MBD5: variants seen among roughly 807,000 people sequenced by gnomAD.
MBD5 encodes methyl-CpG-binding domain protein 5.
A neutral mutation model predicts 117.3 loss-of-function variants in MBD5; 13 were observed. The observed-to-expected ratio is 0.11, with a 90% CI of 0.07 to 0.18. The LOEUF is 0.18. MBD5 is among the 10% of genes least tolerant of loss of function. The probability of loss-of-function intolerance (pLI) is 1.00; values close to 1 mark genes in which losing one functional copy is unlikely to be tolerated. For synonymous variants in MBD5, 727 were observed against 766.4 expected (o/e 0.95, Z 0.85); for missense variants, 1,879 against 2,093.8 (o/e 0.90, Z 2.00).
At chr2:148,032,032 CTT>C (rs1453057659) in intron 1 of MBD5, among the ~76,000 whole-genome samples, 1 of 152,012 alleles carries the variant, frequency 6.6e-6, no homozygotes, top group Non-Finnish European at 1.5e-5. Flanking sequence ...AGAAATTGAA[CTT>C]TTTTATTTCT....
intron 4 of MBD5, among the ~76,000 whole-genome samples, chr2:148,349,954 G>C (rs1559035104): frequency 6.6e-6 from 1 of 151,938 alleles, no homozygotes; most frequent in Non-Finnish European, 1.5e-5. Flanking sequence ...TAAGGTAACA[G>C]TAAAAGCCTA....
chr2:148,462,731 A>G lies in MBD5; in HGVS notation c.216+47A>G, dbSNP rs1707129794. The G allele has an allele frequency of 2.4e-6, 3 of 1,226,008 alleles. No individual in the cohort carries two copies. The African/African-American group carries it at 4.5e-5, about 18-fold the overall frequency. 75.9% of individuals were successfully genotyped at this position (1,226,008 alleles called of 1,614,324 possible). ...TACAGCAGTGTTTTATTTTTTAGGT[A>G]TTTTGTATATTTGTTTTTCTCATTT... is the stretch of plus-strand genomic sequence containing the variant. On this transcript the variant is annotated intron_variant, in intron 6 of 13. Coordinates refer to ENST00000642680, the MANE Select transcript of MBD5 (RefSeq NM_001378120.1).
At chr2:148,218,542 C>T (rs551743873) in intron 2 of MBD5, among the ~76,000 whole-genome samples, 1 of 152,138 alleles carries the variant, frequency 6.6e-6, no homozygotes. Flanking sequence ...TCATGCATCG[C>T]TTAATGACAT....
At chr2:148,417,471 C>A (rs1014087050) in intron 4 of MBD5, among the ~76,000 whole-genome samples, 1 of 151,876 alleles carries the variant, frequency 6.6e-6, no homozygotes, top group Non-Finnish European at 1.5e-5. Flanking sequence ...TGGGTAGATA[C>A]CCAGTAGTGG....
intron 2 of MBD5, among the ~76,000 whole-genome samples, chr2:148,222,351 G>GT: frequency 6.6e-6 from 1 of 152,184 alleles, no homozygotes; most frequent in African/African-American, 2.4e-5. Flanking sequence ...GCACTGGGCA[G>GT]TATGGACATT....
chr2:148,233,247 C>A lies in MBD5; in HGVS notation c.-828C>A, dbSNP rs1700030059. ...CACCCTGGTATCGTTTTTAACAGGA[C>A]CAAGGAAATAAATACCAGAAATCAA... On this transcript the variant is annotated splice_region_variant and 5_prime_UTR_variant, in exon 3 of 14. Transcript: ENST00000642680. The A allele has an allele frequency of 6.6e-6, 1 of 152,124 alleles. No individual in the cohort carries two copies. Among genetic ancestry groups the A allele is most frequent in the South Asian group, 2.1e-4 (1 of 4,822 alleles). The allele number at this position is 152,124 out of a possible 1,614,324, so 9.4% of individuals were successfully genotyped here. A position where few individuals can be genotyped will look rare whatever the true frequency, so the allele number is the denominator to read the frequency against.
At chr2:148,317,027 A>G (rs747008742) in intron 3 of MBD5, among the ~76,000 whole-genome samples, 10 of 152,198 alleles carry the variant, frequency 6.6e-5, no homozygotes, top group Non-Finnish European at 1.2e-4. Context: ...TCACAACTTA[A>G]ACCATGCTAA....
At chr2:148,023,413 A>G (rs556006010) in intron 1 of MBD5, among the ~76,000 whole-genome samples, 1 of 152,344 alleles carries the variant, frequency 6.6e-6, no homozygotes, top group African/African-American at 2.4e-5. Context: ...ACATTTACAT[A>G]CCGAAATAAA....
chr2:148,122,678 A>G (rs1404036764), intron 1 of MBD5, among the ~76,000 whole-genome samples: 1 of 152,188 alleles, frequency 6.6e-6, no homozygotes, highest in Non-Finnish European at 1.5e-5. Context: ...AAACTAACGG[A>G]TACCATTACC....
At chr2:148,177,029 G>A (rs1002922404) in intron 1 of MBD5, among the ~76,000 whole-genome samples, 2 of 152,062 alleles carry the variant, frequency 1.3e-5, no homozygotes, top group Non-Finnish European at 2.9e-5. Context: ...TTACCTAAGA[G>A]GATAGCAAAG....
chr2:148,182,249 C>A (rs1261451604), intron 2 of MBD5, among the ~76,000 whole-genome samples: 1 of 151,988 alleles, frequency 6.6e-6, no homozygotes, highest in African/African-American at 2.4e-5. Flanking sequence ...AGCTATTGAA[C>A]CTTAACAATG....
At chr2:148,039,385 A>G (rs931450848) in intron 1 of MBD5, among the ~76,000 whole-genome samples, 1 of 152,090 alleles carries the variant, frequency 6.6e-6, no homozygotes, top group African/African-American at 2.4e-5. Context: ...CGAATATGCA[A>G]AGTTCGTAAA....
intron 1 of MBD5, among the ~76,000 whole-genome samples, chr2:148,136,765 ATT>A (rs879310208): frequency 1.4e-5 from 2 of 146,290 alleles, no homozygotes; most frequent in Non-Finnish European, 1.5e-5. Flanking sequence ...CAGTTTATTA[ATT>A]TTTTTTTTTT....
intron 4 of MBD5, among the ~76,000 whole-genome samples, chr2:148,383,174 T>C (rs188252567): frequency 6.6e-6 from 1 of 152,268 alleles, no homozygotes; most frequent in East Asian, 1.9e-4. Context: ...GGAGCTGTTT[T>C]TTTGAAAAGA....
intron 2 of MBD5, among the ~76,000 whole-genome samples, chr2:148,197,802 TTTTG>T (rs766707827): frequency 6.8e-5 from 9 of 131,568 alleles, no homozygotes; most frequent in Non-Finnish European, 9.6e-5. Flanking sequence ...AGGTTTTTTT[TTTTG>T]TTTTTTTTTT....
intron 4 of MBD5, among the ~76,000 whole-genome samples, chr2:148,394,648 A>T: frequency 1.4e-5 from 2 of 142,472 alleles, no homozygotes; most frequent in African/African-American, 2.6e-5. Flanking sequence ...TGTTATTAAT[A>T]TTTTCAAGTA....
intron 1 of MBD5, among the ~76,000 whole-genome samples, chr2:148,029,893 AT>A (rs1378893618): frequency 6.6e-6 from 1 of 152,206 alleles, no homozygotes; most frequent in East Asian, 1.9e-4. Context: ...AAGATGGAAA[AT>A]CATATTAAAT....
chr2:148,403,425 C>T (rs1704984766), intron 4 of MBD5, among the ~76,000 whole-genome samples: 1 of 152,070 alleles, frequency 6.6e-6, no homozygotes, highest in Non-Finnish European at 1.5e-5. Flanking sequence ...TGTGATCCAC[C>T]CTCCTTGATC....
chr2:148,405,621 A>G (rs972545449), intron 4 of MBD5, among the ~76,000 whole-genome samples: 1 of 152,210 alleles, frequency 6.6e-6, no homozygotes, highest in Non-Finnish European at 1.5e-5. Context: ...GTCAAAGCAC[A>G]TAAGCGCTAA....
Sources: gnomAD v4.1 joint callset for allele counts (sites outside exome capture counted in the v4.1 genomes callset) on GRCh38, gnomAD v4.1.1 for gene constraint, MANE v1.5 for transcripts, NCBI Gene and HGNC (gene_info 2026-07-23, HGNC 2026-07-21) for gene names.